Variants in MYO6 observed in about 807,000 individuals in gnomAD.
MYO6 encodes the protein unconventional myosin-VI.
Under a neutral mutation model 178.7 loss-of-function variants are expected in MYO6, and 74 were observed. The ratio of observed to expected loss-of-function variants is 0.41; its 90% CI spans 0.34 to 0.50. MYO6 has a LOEUF of 0.50. Among genes scored for constraint, MYO6 ranks in the 20% least tolerant of loss-of-function variants. The probability of loss-of-function intolerance (pLI) is 0.09; values close to 1 mark genes in which losing one functional copy is unlikely to be tolerated. For synonymous variants in MYO6, 477 were observed against 504.6 expected (o/e 0.95, Z 0.73); for missense variants, 1,330 against 1,547.4 (o/e 0.86, Z 2.36).
At chr6:75,879,988 A>C (rs752359969) in intron 21 of MYO6, 38 bp downstream of exon 21, 1 of 1,613,782 alleles carries the variant, frequency 6.2e-7, no homozygotes, top group Non-Finnish European at 8.5e-7. Context: ...CTTAGCTATG[A>C]ACTTGTCTTT....
intron 1 of MYO6, among the ~76,000 whole-genome samples, chr6:75,762,430 T>C (rs1778034201): frequency 6.6e-6 from 1 of 152,226 alleles, no homozygotes; most frequent in East Asian, 1.9e-4. Context: ...AAAAGATGCT[T>C]CCAGGTGGTC....
intron 32 of MYO6, among the ~76,000 whole-genome samples, chr6:75,909,757 T>C (rs1458943247): frequency 6.6e-6 from 1 of 152,182 alleles, no homozygotes; most frequent in African/African-American, 2.4e-5. Flanking sequence ...TGTGTTTTTT[T>C]CCCCTAAGCG....
chr6:75,770,608 C>T (rs1765781317), intron 1 of MYO6, among the ~76,000 whole-genome samples: 1 of 152,124 alleles, frequency 6.6e-6, no homozygotes, highest in Admixed American at 6.6e-5. Context: ...TCCTGAGTAG[C>T]CGGGATTACA....
intron 11 of MYO6, among the ~76,000 whole-genome samples, chr6:75,852,759 T>G (rs550475476): frequency 2.6e-5 from 4 of 152,332 alleles, no homozygotes; most frequent in Non-Finnish European, 5.9e-5. Context: ...TTTCTAGACA[T>G]TTGGGTTGTT....
Position 75,899,674 on chromosome 6 carries a change from C to T in MYO6, c.3176+1263C>T, listed in dbSNP as rs1364211902. ...AAAACAGATTTTAATCATAAAAATACGGGAAGGACTAATGGCCACACATTA... is the reference window on the plus strand; with the variant it reads ...AAAACAGATTTTAATCATAAAAATATGGGAAGGACTAATGGCCACACATTA... On this transcript the variant is annotated intron_variant, in intron 30 of 34. Coordinates refer to ENST00000369977, the MANE Select transcript of MYO6 (RefSeq NM_004999.4). 6.7e-5 allele frequency among the ~76,000 whole-genome samples: 10 copies of T among 148,172 alleles called. No individual in the cohort carries two copies. The East Asian group carries it at 7.9e-4, about 12-fold the overall frequency.
At chr6:75,805,021 A>ATATATATATATATTTT (rs1252912172) in intron 1 of MYO6, among the ~76,000 whole-genome samples, 67 of 77,278 alleles carry the variant, frequency 8.7e-4, no homozygotes, top group African/African-American at 6.1e-3. Flanking sequence ...ATATATATAT[A>ATATATATATATATTTT]TTTTTTTTTT....
At chr6:75,838,480 A>T (rs1773871341) in intron 7 of MYO6, among the ~76,000 whole-genome samples, 2 of 151,992 alleles carry the variant, frequency 1.3e-5, no homozygotes, top group African/African-American at 4.8e-5. Flanking sequence ...CATTAATATG[A>T]TTTTCTGTTG....
chr6:75,869,231 G>A (rs1776946040), intron 18 of MYO6, among the ~76,000 whole-genome samples: 1 of 152,032 alleles, frequency 6.6e-6, no homozygotes, highest in Non-Finnish European at 1.5e-5. Flanking sequence ...CTCTGTCAGT[G>A]AGATAAGTGG....
rs375514230 is a variant in MYO6 at position 75,770,149 on chromosome 6, C to T, written c.-48+20726C>T. Among the ~76,000 whole-genome samples, 11 of 152,294 alleles carry T rather than the reference C, an allele frequency of 7.2e-5. No individual in the cohort carries two copies. The East Asian group carries it at 1.5e-3, about 21-fold the overall frequency. On this transcript the variant is annotated intron_variant, in intron 1 of 34. Transcript: ENST00000369977. ...TCTTGCTTCTGCTCTCACCATGTAA[C>T]ACCACCCACTCTCCCTTTGCGTTGC...
intron 11 of MYO6, among the ~76,000 whole-genome samples, chr6:75,853,959 G>A (rs911772967): frequency 2.6e-5 from 4 of 152,112 alleles, no homozygotes; most frequent in Admixed American, 1.3e-4. Context: ...TTTTATGGAC[G>A]AAGAAACTGT....
In MYO6 at chr6:75,908,518, C is replaced by T. The variant is rs9443199; in HGVS notation, c.3303C>T (p.Cys1101=). Residue 1101 remains cysteine, a synonymous_variant, in exon 32 of 35, where the codon TGC becomes TGT. Transcript: ENST00000369977. ...TAGATATTGAGCTCCTGGCAGCTTG[C>T]AGAGAAGAATTTCATAGGAGACTAA... ...TSCDIELLAA[C]REEFHRRLKV... is the part of the protein sequence containing the mutation. 3.7e-3 allele frequency: 6,018 copies of T among 1,612,868 alleles called. 195 individuals are homozygous for T. In the African/African-American group the frequency reaches 0.07, roughly 19 times the overall value.
chr6:75,806,643 G>T (rs896093349), intron 1 of MYO6, among the ~76,000 whole-genome samples: 1 of 152,212 alleles, frequency 6.6e-6, no homozygotes, highest in East Asian at 1.9e-4. Flanking sequence ...CACCTGGCCC[G>T]CCCAGGGCGG....
At chr6:75,805,002 C>CACATATATATATAT (rs1554199386) in intron 1 of MYO6, among the ~76,000 whole-genome samples, 3 of 63,968 alleles carry the variant, frequency 4.7e-5, no homozygotes, top group Admixed American at 2.2e-4. Context: ...TACACACACA[C>CACATATATATATAT]ATATATATAT....
chr6:75,857,273 G>A lies in MYO6; in HGVS notation c.1381+19G>A. On this transcript the variant is annotated intron_variant, in intron 13 of 34. Transcript: ENST00000369977. ...GGTTTTGGTAAGTAGAGTTTCTTTTGTGAGTATATATTTGTTTCATATTTT... is the reference window on the plus strand; with the variant it reads ...GGTTTTGGTAAGTAGAGTTTCTTTTATGAGTATATATTTGTTTCATATTTT... The A allele has an allele frequency of 6.2e-7, 1 of 1,606,392 alleles. No homozygotes were observed. The highest frequency in any genetic ancestry group is 1.1e-5 in the South Asian group (1 of 90,878).
At chr6:75,869,760 C>G (rs9360950) in intron 18 of MYO6, among the ~76,000 whole-genome samples, 19,568 of 152,028 alleles carry the variant, frequency 0.13, 1,340 homozygotes, top group Non-Finnish European at 0.15. Context: ...TGTTCATTGT[C>G]AATTTTTTTT....
chr6:75,913,107 T>C (rs1238032865), intron 33 of MYO6, among the ~76,000 whole-genome samples: 1 of 152,194 alleles, frequency 6.6e-6, no homozygotes. Flanking sequence ...ATAGTGAGAC[T>C]CTTAACTGAG....
At chr6:75,870,756 G>A (rs1254447424) in intron 19 of MYO6, 71 bp downstream of exon 19, 4 of 1,234,570 alleles carry the variant, frequency 3.2e-6, no homozygotes, top group South Asian at 1.2e-5. Flanking sequence ...TATGCAAGTA[G>A]GCATAGTAAC....
At chr6:75,812,104 G>C (rs775415365) in intron 1 of MYO6, among the ~76,000 whole-genome samples, 3 of 151,936 alleles carry the variant, frequency 2.0e-5, no homozygotes, top group Non-Finnish European at 4.4e-5. Context: ...CTGCAACTTT[G>C]AACTCCTGGA....
At chr6:75,878,118 T>A (rs1415196206) in intron 20 of MYO6, among the ~76,000 whole-genome samples, 3 of 152,116 alleles carry the variant, frequency 2.0e-5, no homozygotes, top group Non-Finnish European at 4.4e-5. Flanking sequence ...ATATTGAAAA[T>A]TCACAGTAAC....
Sources: gnomAD v4.1 joint callset for allele counts (sites outside exome capture counted in the v4.1 genomes callset) on GRCh38, gnomAD v4.1.1 for gene constraint, MANE v1.5 for transcripts, NCBI Gene and HGNC (gene_info 2026-07-23, HGNC 2026-07-21) for gene names.